Variants in RSPH14 observed in about 807,000 individuals in gnomAD.
The protein encoded by RSPH14 is radial spoke head 14 homolog.
In RSPH14, 20 loss-of-function variants were observed where a neutral mutation model predicts 26.7. The observed-to-expected ratio is 0.75, with a 90% CI of 0.53 to 1.09. The LOEUF (loss-of-function observed/expected upper bound fraction) is 1.09. Among genes scored for constraint, RSPH14 ranks in the 50% least tolerant of loss-of-function variants. The pLI, the probability that RSPH14 is intolerant of heterozygous loss-of-function variation, is 0.00. For synonymous variants in RSPH14, 177 were observed against 189.3 expected (o/e 0.93, Z 0.53); for missense variants, 449 against 457.2 (o/e 0.98, Z 0.16).
At chr22:23,123,864 G>A (rs895673038) in intron 4 of RSPH14, 8 of 220,152 alleles carry the variant, frequency 3.6e-5, no homozygotes, top group African/African-American at 1.4e-4. Flanking sequence ...GGGCCAGCTC[G>A]CTGCCCGAGC....
At chr22:23,146,027 T>G, upstream of RSPH14, 1 of 984,768 alleles carries the variant, frequency 1.0e-6, no homozygotes, top group Non-Finnish European at 1.2e-6. Context: ...CACAGCCCAG[T>G]AAGGTAAGCT....
At chr22:23,129,941 G>C (rs1293461276) in intron 4 of RSPH14, among the ~76,000 whole-genome samples, 1 of 137,120 alleles carries the variant, frequency 7.3e-6, no homozygotes, top group Middle Eastern at 4.3e-3. Context: ...AAGGAAGGAA[G>C]GAAAGAAGGA....
chr22:23,141,270 A>G (rs1210421513), intron 1 of RSPH14, among the ~76,000 whole-genome samples: 1 of 148,954 alleles, frequency 6.7e-6, no homozygotes, highest in Non-Finnish European at 1.5e-5. Flanking sequence ...CGGAGGTTCC[A>G]GTAAGCCAAG....
chr22:23,154,537 A>G, the RSPH14 span, among the ~76,000 whole-genome samples: 1 of 152,222 alleles, frequency 6.6e-6, no homozygotes, highest in Non-Finnish European at 1.5e-5. Flanking sequence ...TGAGAAGAGC[A>G]AAGGGCCAGT....
chr22:23,100,663 G>A (rs576829842), intron 4 of RSPH14, among the ~76,000 whole-genome samples: 9 of 152,356 alleles, frequency 5.9e-5, no homozygotes, highest in African/African-American at 2.2e-4. Context: ...ACACCCACCC[G>A]GCACAGCCTG....
chr22:23,143,100 G>C (rs1338940040), upstream of RSPH14, among the ~76,000 whole-genome samples: 1 of 152,078 alleles, frequency 6.6e-6, no homozygotes, highest in Admixed American at 6.6e-5. Flanking sequence ...ACCATTTTGA[G>C]TGGACAACAT....
chr22:23,107,012 G>A (rs1161402126), intron 4 of RSPH14, among the ~76,000 whole-genome samples: 1 of 152,298 alleles, frequency 6.6e-6, no homozygotes, highest in Non-Finnish European at 1.5e-5. Flanking sequence ...CGGAAGGCAG[G>A]GAGCAGCACG....
At chr22:23,145,144 G>A, upstream of RSPH14, 1 of 585,470 alleles carries the variant, frequency 1.7e-6, no homozygotes, top group Non-Finnish European at 3.1e-6. Context: ...TGCCATAACC[G>A]CCCAACCTCT....
intron 4 of RSPH14, among the ~76,000 whole-genome samples, chr22:23,100,869 A>G (rs2069282763): frequency 6.6e-6 from 1 of 152,168 alleles, no homozygotes; most frequent in Admixed American, 6.5e-5. Flanking sequence ...TACCCTGAGG[A>G]GGGGCTGCCC....
chr22:23,111,309 G>A (rs564376256), intron 4 of RSPH14, among the ~76,000 whole-genome samples: 7 of 152,348 alleles, frequency 4.6e-5, no homozygotes, highest in East Asian at 3.9e-4. Flanking sequence ...GCTCTGTACC[G>A]AGCAGGGGGT....
At chr22:23,111,095 G>GT (rs1047325488) in intron 4 of RSPH14, among the ~76,000 whole-genome samples, 1 of 152,224 alleles carries the variant, frequency 6.6e-6, no homozygotes, top group Non-Finnish European at 1.5e-5. Context: ...CGCCTTCCCT[G>GT]TGAGCGTGAG....
At chr22:23,130,072 A>G (rs796562845) in intron 4 of RSPH14, among the ~76,000 whole-genome samples, 1 of 32,990 alleles carries the variant, frequency 3.0e-5, no homozygotes, top group South Asian at 6.4e-4. Flanking sequence ...AGAAAGAAAG[A>G]AAGAAAGAAA....
intron 4 of RSPH14, chr22:23,122,232 T>TGGG (rs2070052091): frequency 2.0e-5 from 3 of 152,218 alleles, no homozygotes; most frequent in African/African-American, 7.2e-5. Context: ...GCATCATGCT[T>TGGG]CTTAAAAGCC....
At chr22:23,063,497 C>T (rs539137984) in intron 5 of RSPH14, among the ~76,000 whole-genome samples, 1 of 152,314 alleles carries the variant, frequency 6.6e-6, no homozygotes, top group Admixed American at 6.5e-5. Context: ...CAAGACACTG[C>T]CTCCTTTTCT....
At chr22:23,074,340 C>T (rs1314595173) in intron 4 of RSPH14, among the ~76,000 whole-genome samples, 2 of 152,162 alleles carry the variant, frequency 1.3e-5, no homozygotes, top group Admixed American at 1.3e-4. Context: ...CTGAGAAATG[C>T]AGGTGGGAGA....
chr22:23,156,145 G>C, the RSPH14 span: 1 of 882,770 alleles, frequency 1.1e-6, no homozygotes, highest in Non-Finnish European at 1.7e-6. Context: ...TGTCCTCCAA[G>C]ACCCACTGAG....
chr22:23,103,135 G>A (rs1300627589), intron 4 of RSPH14, among the ~76,000 whole-genome samples: 1 of 152,218 alleles, frequency 6.6e-6, no homozygotes, highest in Non-Finnish European at 1.5e-5. Context: ...TGAGGGGCTA[G>A]AGCTGGCTCA....
chr22:23,085,485 C>T (rs1219050387), intron 4 of RSPH14, among the ~76,000 whole-genome samples: 2 of 152,182 alleles, frequency 1.3e-5, no homozygotes, highest in Non-Finnish European at 2.9e-5. Context: ...CAGGCCTGGG[C>T]GCACGTGCTG....
intron 4 of RSPH14, among the ~76,000 whole-genome samples, chr22:23,074,980 C>A (rs904525336): frequency 3.3e-5 from 5 of 152,162 alleles, no homozygotes; most frequent in Non-Finnish European, 7.3e-5. Flanking sequence ...CCAGCCTGAG[C>A]AACATGTAAG....
Sources: allele counts gnomAD v4.1 joint callset (sites outside exome capture counted in the v4.1 genomes callset), GRCh38; gene constraint gnomAD v4.1.1; transcripts MANE v1.5; gene names NCBI Gene and HGNC (gene_info 2026-07-23, HGNC 2026-07-21).